The following WDR59 variants were observed in gnomAD, a reference collection of about 807,000 sequenced individuals.
WDR59 encodes WD repeat domain 59.
Under a neutral mutation model 131.2 loss-of-function variants are expected in WDR59, and 100 were observed. The ratio of observed to expected loss-of-function variants is 0.76; its 90% CI spans 0.65 to 0.90. WDR59 has a LOEUF of 0.90. Among genes scored for constraint, WDR59 ranks in the 40% least tolerant of loss-of-function variants. WDR59 has a pLI of 0.00. For synonymous variants in WDR59, 601 were observed against 466.2 expected (o/e 1.29, Z -3.72); for missense variants, 1,203 against 1,262.2 (o/e 0.95, Z 0.71).
intron 8 of WDR59, among the ~76,000 whole-genome samples, chr16:74,937,190 G>A (rs935674283): frequency 1.3e-5 from 2 of 152,180 alleles, no homozygotes; most frequent in Non-Finnish European, 2.9e-5. Context: ...ATGTCACAGA[G>A]AGGAAAGACA....
chr16:74,984,793 T>G, intron 1 of WDR59, 171 bp downstream of exon 1: 1 of 873,684 alleles, frequency 1.1e-6, no homozygotes. Context: ...TTGCCCCCGA[T>G]GGTCGTCTTC....
At chr16:74,927,347 G>A (rs2030915435) in intron 8 of WDR59, among the ~76,000 whole-genome samples, 2 of 152,080 alleles carry the variant, frequency 1.3e-5, no homozygotes, top group African/African-American at 4.8e-5. Flanking sequence ...CCAGCACTTG[G>A]GAAGCTGAGG....
intron 2 of WDR59, among the ~76,000 whole-genome samples, chr16:74,958,614 A>C (rs1399478327): frequency 7.0e-6 from 1 of 141,958 alleles, no homozygotes; most frequent in Non-Finnish European, 1.5e-5. Flanking sequence ...AAAAAAAAAA[A>C]AAAAAACAAG....
In WDR59 at chr16:74,909,610, A is replaced by G; in HGVS notation, c.1533T>C (p.Ser511=). The part of the protein sequence containing the change: ...ASSNPFALPN[S]VTPPLPTFAR... ...CAAACGTCGGTAAGGGGGGAGTGAC[A>G]GAGTTGGGGAGTGCAAACGGGTTGC... The change falls in exon 16 of 26, where the codon TCT becomes TCC. Residue 511 remains serine (S), a synonymous_variant. Coordinates refer to ENST00000262144, the MANE Select transcript of WDR59 (RefSeq NM_030581.4). 1 of 1,602,146 alleles carries G rather than the reference A, an allele frequency of 6.2e-7. No individual in the cohort carries two copies. Among genetic ancestry groups the G allele is most frequent in the Non-Finnish European group, 8.5e-7 (1 of 1,175,852 alleles).
At chr16:74,934,669 G>A (rs74634222) in intron 8 of WDR59, among the ~76,000 whole-genome samples, 1 of 152,152 alleles carries the variant, frequency 6.6e-6, no homozygotes, top group Non-Finnish European at 1.5e-5. Context: ...AAATATCAGG[G>A]GCCAGGTGTG....
In WDR59 at chr16:74,908,970, C is replaced by A; in HGVS notation, c.1650G>T (p.Leu550=). The change falls in exon 17 of 26, where the codon CTG becomes CTT. Residue 550 remains leucine (L), a synonymous_variant. Coordinates refer to ENST00000262144, the MANE Select transcript of WDR59 (RefSeq NM_030581.4). The part of the protein sequence containing the change: ...SGARFCGAGY[L]VYFTRPMTMH... ...TTGTCATGGGCCTTGTGAAATATAC[C>A]AGGTAACCTAAAGGAGGAGACATCA... 6.2e-7 allele frequency: 1 copy of A among 1,613,636 alleles called. No individual in the cohort carries two copies. Among genetic ancestry groups the A allele is most frequent in the Non-Finnish European group, 8.5e-7 (1 of 1,179,884 alleles).
intron 1 of WDR59, among the ~76,000 whole-genome samples, chr16:74,969,816 C>T (rs1446641387): frequency 2.6e-5 from 4 of 152,056 alleles, no homozygotes; most frequent in African/African-American, 9.7e-5. Flanking sequence ...CCTCAGCCTC[C>T]CAAATTGTCA....
chr16:74,883,902 C>T (rs1391674039), intron 25 of WDR59, among the ~76,000 whole-genome samples: 1 of 152,172 alleles, frequency 6.6e-6, no homozygotes, highest in Non-Finnish European at 1.5e-5. Flanking sequence ...CACATCCAAC[C>T]GCCTATGCAA....
chr16:74,942,520 T>C (rs1461720606), intron 7 of WDR59, among the ~76,000 whole-genome samples: 1 of 152,110 alleles, frequency 6.6e-6, no homozygotes, highest in Non-Finnish European at 1.5e-5. Flanking sequence ...TGGAGCTGAT[T>C]TTTTCAACCA....
intron 25 of WDR59, among the ~76,000 whole-genome samples, chr16:74,874,887 A>G (rs1964132940): frequency 6.7e-6 from 1 of 149,786 alleles, no homozygotes; most frequent in Non-Finnish European, 1.5e-5. Context: ...CACTGTGCCC[A>G]GCCTGTTTTT....
At chr16:74,891,783 G>A (rs1200828247) in intron 20 of WDR59, among the ~76,000 whole-genome samples, 1 of 152,176 alleles carries the variant, frequency 6.6e-6, no homozygotes, top group African/African-American at 2.4e-5. Context: ...AATTAGCCGG[G>A]TTTGGTGGCA....
chr16:74,945,348 G>A (rs1384067763), intron 6 of WDR59, among the ~76,000 whole-genome samples: 4 of 140,028 alleles, frequency 2.9e-5, no homozygotes, highest in Admixed American at 7.2e-5. Context: ...ATGGTGGCGG[G>A]CGCCTGCAGT....
At chr16:74,896,545 G>A (rs767397402) in intron 18 of WDR59, among the ~76,000 whole-genome samples, 9 of 151,774 alleles carry the variant, frequency 5.9e-5, no homozygotes, top group Non-Finnish European at 1.3e-4. Flanking sequence ...TGAGGCAGGA[G>A]AATTGCTTGA....
chr16:74,913,318 G>A (rs2144949083), intron 13 of WDR59, among the ~76,000 whole-genome samples: 1 of 151,092 alleles, frequency 6.6e-6, no homozygotes, highest in Middle Eastern at 3.4e-3. Flanking sequence ...AGGCTGGAGT[G>A]CAGTGTGGCA....
chr16:74,908,382 A>T (rs994367754), intron 17 of WDR59, among the ~76,000 whole-genome samples: 1 of 152,176 alleles, frequency 6.6e-6, no homozygotes, highest in Non-Finnish European at 1.5e-5. Context: ...ATGCCACTGC[A>T]CTCCAGCCTG....
intron 25 of WDR59, among the ~76,000 whole-genome samples, chr16:74,879,703 G>A (rs1354936106): frequency 6.6e-6 from 1 of 151,498 alleles, no homozygotes; most frequent in Admixed American, 6.6e-5. Flanking sequence ...ATTACCTTCA[G>A]GAGAAAAAAA....
At chr16:74,886,885 T>C (rs1964794608) in intron 23 of WDR59, among the ~76,000 whole-genome samples, 1 of 152,130 alleles carries the variant, frequency 6.6e-6, no homozygotes, top group Admixed American at 6.5e-5. Flanking sequence ...ATCATGCCAT[T>C]GCACTCCAGC....
intron 7 of WDR59, among the ~76,000 whole-genome samples, chr16:74,939,741 T>G (rs1215061770): frequency 6.6e-6 from 1 of 152,122 alleles, no homozygotes; most frequent in Non-Finnish European, 1.5e-5. Flanking sequence ...ATAATCCCAG[T>G]GTTCTGGGAG....
chr16:74,984,258 C>T (rs1042835015), intron 1 of WDR59, among the ~76,000 whole-genome samples: 4 of 152,090 alleles, frequency 2.6e-5, no homozygotes, highest in African/African-American at 9.7e-5. Context: ...GCCTGGGCAA[C>T]AGAGTGACTC....
Sources: allele counts gnomAD v4.1 joint callset (sites outside exome capture counted in the v4.1 genomes callset), GRCh38; gene constraint gnomAD v4.1.1; transcripts MANE v1.5; gene names NCBI Gene and HGNC (gene_info 2026-07-23, HGNC 2026-07-21).